ZFPM2: variants seen among roughly 807,000 people sequenced by gnomAD.
ZFPM2 encodes zinc finger protein ZFPM2.
ZFPM2 carries 20 observed loss-of-function variants against 98.6 expected under a neutral mutation model. That is an observed-to-expected ratio of 0.20 (90% CI 0.14 to 0.29). The LOEUF (loss-of-function observed/expected upper bound fraction) is 0.29, where lower values mean the gene tolerates loss of function less well. ZFPM2 is among the 10% of genes least tolerant of loss of function. ZFPM2 has a pLI of 1.00. For synonymous variants in ZFPM2, 518 were observed against 502.7 expected (o/e 1.03, Z -0.41); for missense variants, 1,310 against 1,388.6 (o/e 0.94, Z 0.90).
chr8:105,325,884 T>C (rs1812104919), intron 1 of ZFPM2, among the ~76,000 whole-genome samples: 1 of 151,830 alleles, frequency 6.6e-6, no homozygotes, highest in Admixed American at 6.6e-5. Flanking sequence ...TATGTGATTA[T>C]CATTAGGTAG....
chr8:105,602,926 C>A (rs1816122159), intron 4 of ZFPM2, among the ~76,000 whole-genome samples: 1 of 152,066 alleles, frequency 6.6e-6, no homozygotes, highest in African/African-American at 2.4e-5. Context: ...GTCACATATT[C>A]TCCCCAGATT....
intron 4 of ZFPM2, among the ~76,000 whole-genome samples, chr8:105,626,352 T>A (rs1816654457): frequency 6.6e-6 from 1 of 152,212 alleles, no homozygotes; most frequent in Non-Finnish European, 1.5e-5. Flanking sequence ...TCACTGTCCC[T>A]AGAGATTTCA....
intron 5 of ZFPM2, among the ~76,000 whole-genome samples, chr8:105,768,977 G>A (rs941349679): frequency 6.6e-6 from 1 of 151,854 alleles, no homozygotes; most frequent in Non-Finnish European, 1.5e-5. Context: ...ACAATCTCAT[G>A]AGAAACATTG....
At chr8:105,536,293 T>G (rs2130610074) in intron 3 of ZFPM2, among the ~76,000 whole-genome samples, 1 of 152,268 alleles carries the variant, frequency 6.6e-6, no homozygotes, top group South Asian at 2.1e-4. Flanking sequence ...TCATCAATTT[T>G]CTTTCATCTC....
chr8:105,663,263 C>T (rs1381212278), intron 5 of ZFPM2, among the ~76,000 whole-genome samples: 1 of 152,148 alleles, frequency 6.6e-6, no homozygotes, highest in Non-Finnish European at 1.5e-5. Flanking sequence ...AGCTAACAGT[C>T]ACGCAGATAA....
intron 4 of ZFPM2, among the ~76,000 whole-genome samples, chr8:105,631,620 A>G (rs578208397): frequency 6.6e-6 from 1 of 152,308 alleles, no homozygotes; most frequent in Admixed American, 6.5e-5. Flanking sequence ...CCCCGAAACA[A>G]TTGATACATG....
chr8:105,405,589 T>C (rs1046606761), intron 1 of ZFPM2, among the ~76,000 whole-genome samples: 4 of 151,990 alleles, frequency 2.6e-5, no homozygotes, highest in East Asian at 1.9e-4. Flanking sequence ...TTCATCCATG[T>C]CCCTACAAAG....
chr8:105,664,950 G>A (rs1263303003), intron 5 of ZFPM2, among the ~76,000 whole-genome samples: 2 of 152,120 alleles, frequency 1.3e-5, no homozygotes, highest in Non-Finnish European at 2.9e-5. Flanking sequence ...ATAATTAAGG[G>A]CAAAAATTCA....
intron 1 of ZFPM2, among the ~76,000 whole-genome samples, chr8:105,364,481 T>C (rs996132729): frequency 6.6e-6 from 1 of 152,006 alleles, no homozygotes; most frequent in Non-Finnish European, 1.5e-5. Context: ...CAACTACAAA[T>C]TAGTAAAGAT....
intron 1 of ZFPM2, among the ~76,000 whole-genome samples, chr8:105,370,711 T>G (rs1162647013): frequency 3.9e-5 from 6 of 152,218 alleles, no homozygotes; most frequent in Non-Finnish European, 7.3e-5. Context: ...TTCTTTGTGT[T>G]AAGGAGTGTT....
intron 3 of ZFPM2, among the ~76,000 whole-genome samples, chr8:105,497,859 C>G (rs1813506654): frequency 6.6e-6 from 1 of 151,802 alleles, no homozygotes; most frequent in African/African-American, 2.4e-5. Context: ...AACAATGGCA[C>G]TTTGAGTTTG....
At chr8:105,391,767 G>T (rs1208302879) in intron 1 of ZFPM2, among the ~76,000 whole-genome samples, 1 of 152,112 alleles carries the variant, frequency 6.6e-6, no homozygotes, top group Non-Finnish European at 1.5e-5. Flanking sequence ...TTTAATTCTA[G>T]TTGTCTTGCT....
intron 1 of ZFPM2, among the ~76,000 whole-genome samples, chr8:105,409,864 T>C (rs918087245): frequency 1.3e-5 from 2 of 151,852 alleles, no homozygotes; most frequent in African/African-American, 2.4e-5. Flanking sequence ...CAGGTGATGC[T>C]ATTATCAGGT....
chr8:105,763,572 C>CAACACACTT (rs1812785210), intron 5 of ZFPM2, among the ~76,000 whole-genome samples: 1 of 151,662 alleles, frequency 6.6e-6, no homozygotes, highest in Admixed American at 6.6e-5. Context: ...CAACCTTGTG[C>CAACACACTT]TATGTCCTTC....
intron 5 of ZFPM2, among the ~76,000 whole-genome samples, chr8:105,756,595 G>A (rs866075347): frequency 1.5e-4 from 23 of 152,216 alleles, no homozygotes; most frequent in South Asian, 6.2e-4. Context: ...TACTTTCATT[G>A]TCATCAGTGG....
intron 3 of ZFPM2, among the ~76,000 whole-genome samples, chr8:105,453,230 T>A (rs1011936530): frequency 6.6e-6 from 1 of 152,332 alleles, no homozygotes; most frequent in Non-Finnish European, 1.5e-5. Flanking sequence ...TATACAGCAG[T>A]AAATAAACCA....
At chr8:105,478,054 G>C (rs1171730542) in intron 3 of ZFPM2, among the ~76,000 whole-genome samples, 1 of 152,186 alleles carries the variant, frequency 6.6e-6, no homozygotes, top group Non-Finnish European at 1.5e-5. Context: ...ATGGAACTCT[G>C]ATCCAAATTT....
At chr8:105,786,041 CAAAA>C (rs60740995) in intron 5 of ZFPM2, among the ~76,000 whole-genome samples, 7,783 of 38,252 alleles carry the variant, frequency 0.2, 160 homozygotes, top group African/African-American at 0.29. Context: ...GACTCCGTCT[CAAAA>C]AAAAAAAAAA....
chr8:105,640,406 A>G (rs1816928473), intron 5 of ZFPM2, among the ~76,000 whole-genome samples: 2 of 152,120 alleles, frequency 1.3e-5, no homozygotes, highest in African/African-American at 2.4e-5. Flanking sequence ...TTCTGAGACC[A>G]CAGCAATTTC....
Sources: allele counts gnomAD v4.1 joint callset (sites outside exome capture counted in the v4.1 genomes callset), GRCh38; gene constraint gnomAD v4.1.1; transcripts MANE v1.5; gene names NCBI Gene and HGNC (gene_info 2026-07-23, HGNC 2026-07-21).